UBE3C: variants seen among roughly 807,000 people sequenced by gnomAD.
UBE3C encodes ubiquitin protein ligase E3C, also known as ubiquitin-protein ligase E3C.
UBE3C carries 42 observed loss-of-function variants against 129.4 expected under a neutral mutation model. The observed-to-expected ratio is 0.32, with a 90% CI of 0.25 to 0.42. The LOEUF is 0.42. Ranked by LOEUF, UBE3C falls within the 10% of genes least tolerant of loss-of-function variation. UBE3C has a pLI of 1.00. For missense variants in UBE3C, 1,049 were observed against 1,319.1 expected (o/e 0.80, Z 3.17); for synonymous variants, 510 against 492.4 (o/e 1.04, Z -0.47).
chr7:157,191,536 T>C (rs1207321423), intron 10 of UBE3C, among the ~76,000 whole-genome samples: 2 of 152,186 alleles, frequency 1.3e-5, no homozygotes, highest in African/African-American at 4.8e-5. Context: ...AGTAATCTGC[T>C]TGTCTCAGCC....
chr7:157,198,477 T>C, intron 10 of UBE3C: 1 of 448,682 alleles, frequency 2.2e-6, no homozygotes, highest in South Asian at 2.2e-5. Flanking sequence ...TCTCCTCTCC[T>C]GCTCACCGAG....
At chr7:157,202,834 G>A (rs1388887407) in intron 11 of UBE3C, among the ~76,000 whole-genome samples, 1 of 152,154 alleles carries the variant, frequency 6.6e-6, no homozygotes, top group East Asian at 1.9e-4. Context: ...CAGCTCATTC[G>A]GTGGTGGGAA....
chr7:157,264,763 G>C (rs546961327), intron 22 of UBE3C, among the ~76,000 whole-genome samples: 1 of 152,158 alleles, frequency 6.6e-6, no homozygotes, highest in Non-Finnish European at 1.5e-5. Flanking sequence ...TAGAGATGGG[G>C]TTTCGCCATG....
At chr7:157,181,151 G>C (rs1808655196) in intron 6 of UBE3C, among the ~76,000 whole-genome samples, 1 of 152,206 alleles carries the variant, frequency 6.6e-6, no homozygotes, top group African/African-American at 2.4e-5. Context: ...ACATGAGACA[G>C]TTGGAGACTT....
intron 14 of UBE3C, among the ~76,000 whole-genome samples, chr7:157,218,498 A>AC (rs1795643201): frequency 6.6e-6 from 1 of 152,198 alleles, no homozygotes; most frequent in African/African-American, 2.4e-5. Context: ...AGGAGAGAAA[A>AC]CAGGAGTGTT....
At chr7:157,190,970 G>A (rs1808947599) in intron 10 of UBE3C, among the ~76,000 whole-genome samples, 1 of 152,090 alleles carries the variant, frequency 6.6e-6, no homozygotes, top group Admixed American at 6.6e-5. Context: ...ATGTTCTCAG[G>A]GGCTTGGCTC....
Position 157,178,867 on chromosome 7 carries a change from A to G in UBE3C, c.616+20A>G, listed in dbSNP as rs373650954. ...ACAATGGTAAGTAGTAGGCAGGATC[A>G]GAACTGTGGCTCAGCATCCTGATGG... On this transcript the variant is annotated intron_variant, in intron 6 of 22. Coordinates refer to ENST00000348165, the MANE Select transcript of UBE3C (RefSeq NM_014671.3). The G allele has an allele frequency of 2.5e-6, 4 of 1,610,916 alleles. No homozygotes were observed. The highest frequency in any genetic ancestry group is 3.4e-6 in the Non-Finnish European group (4 of 1,177,512).
chr7:157,248,824 C>T (rs1274653696), intron 19 of UBE3C, among the ~76,000 whole-genome samples: 1 of 152,200 alleles, frequency 6.6e-6, no homozygotes, highest in African/African-American at 2.4e-5. Flanking sequence ...CTGCGGAGCT[C>T]CACTCTCGAG....
At chr7:157,220,573 A>T in intron 14 of UBE3C, 116 bp from the exon 15 acceptor site, 1 of 1,158,282 alleles carries the variant, frequency 8.6e-7, no homozygotes, top group Non-Finnish European at 1.2e-6. Context: ...ATGAGGTCAG[A>T]GAGAGGGCCC....
chr7:157,186,513 A>G (rs1264030586), intron 9 of UBE3C, among the ~76,000 whole-genome samples: 2 of 152,012 alleles, frequency 1.3e-5, no homozygotes, highest in African/African-American at 4.8e-5. Context: ...TAGTTTCACT[A>G]TGTATGGTTG....
At chr7:157,199,650 T>C (rs938691550) in intron 10 of UBE3C, among the ~76,000 whole-genome samples, 6 of 151,816 alleles carry the variant, frequency 4.0e-5, no homozygotes, top group African/African-American at 1.5e-4. Context: ...TTTCTATTTT[T>C]AGTAGAGACG....
At chr7:157,201,074 A>T (rs1250474552) in intron 10 of UBE3C, among the ~76,000 whole-genome samples, 1 of 152,156 alleles carries the variant, frequency 6.6e-6, no homozygotes, top group Admixed American at 6.5e-5. Context: ...CTGTAATCCC[A>T]GCACTTTGGG....
chr7:157,259,153 A>G (rs2116704813), intron 22 of UBE3C, among the ~76,000 whole-genome samples: 1 of 152,378 alleles, frequency 6.6e-6, no homozygotes. Context: ...CATGTTAAAA[A>G]TGAACATTTT....
At chr7:157,166,881 A>G (rs1307710277) in intron 2 of UBE3C, among the ~76,000 whole-genome samples, 1 of 150,666 alleles carries the variant, frequency 6.6e-6, no homozygotes, top group Non-Finnish European at 1.5e-5. Context: ...TTACATTGCC[A>G]TGTGCATCTG....
chr7:157,224,814 CCACT>C (rs1217758054), intron 16 of UBE3C, among the ~76,000 whole-genome samples: 140 of 147,768 alleles, frequency 9.5e-4, no homozygotes, highest in Admixed American at 1.2e-3. Context: ...TCTCTCTCTC[CCACT>C]CACTCACTCA....
rs529337487 is a variant in UBE3C at position 157,143,220 on chromosome 7, G to A, written c.66+3882G>A. On this transcript the variant is annotated intron_variant, in intron 1 of 22. Transcript: ENST00000348165. ...TCTATCTTTAAATATTTCTGACATC[G>A]GGATACACACTGATAGCATGATGCA... Among the ~76,000 whole-genome samples the A allele has an allele frequency of 9.2e-5, 14 of 152,088 alleles. No homozygotes were observed. In the South Asian group the frequency reaches 2.9e-3, roughly 32 times the overall value.
At position 157,248,523 on chromosome 7, in the gene UBE3C, T is replaced by C. The variant is rs751332382; in HGVS notation, c.2637T>C (p.Asp879=). Residue 879 remains aspartate, a synonymous_variant, in exon 19 of 23, where the codon GAT becomes GAC. Transcript: ENST00000348165. ...NLLFLKSYED[D]VEELGLNFTV... ...TCTTTCTGAAGAGCTACGAAGACGA[T>C]GTGGAGGAGCTTGGGCTGAACTTCA... The C allele has an allele frequency of 3.1e-6, 5 of 1,612,990 alleles. No individual in the cohort carries two copies. The highest frequency in any genetic ancestry group is 1.1e-5 in the South Asian group (1 of 91,018).
At position 157,231,144 on chromosome 7, in the gene UBE3C, C is replaced by T; in HGVS notation, c.2298C>T (p.Gly766=). 1 of 1,614,052 alleles carries T rather than the reference C, an allele frequency of 6.2e-7. No homozygotes were observed. Among genetic ancestry groups the T allele is most frequent in the Non-Finnish European group, 8.5e-7 (1 of 1,180,010 alleles). The change falls in exon 18 of 23, where the codon GGC becomes GGT. Residue 766 remains glycine, a synonymous_variant. Coordinates refer to ENST00000348165, the MANE Select transcript of UBE3C (RefSeq NM_014671.3). ...ATGCCCATGGCCTGGATGAAGCTGG[C>T]ATTGATGGTGGTGGTATTTTCAGAG... ...LLNAHGLDEA[G]IDGGGIFREF... is the part of the protein sequence containing the mutation.
intron 16 of UBE3C, among the ~76,000 whole-genome samples, chr7:157,224,483 C>T (rs984256772): frequency 2.0e-5 from 3 of 151,980 alleles, no homozygotes; most frequent in Non-Finnish European, 2.9e-5. Flanking sequence ...CATGAGCCAC[C>T]GCGCCCAGCC....
Sources: allele counts gnomAD v4.1 joint callset (sites outside exome capture counted in the v4.1 genomes callset), GRCh38; gene constraint gnomAD v4.1.1; transcripts MANE v1.5; gene names NCBI Gene and HGNC (gene_info 2026-07-23, HGNC 2026-07-21).